CFDP1: variants seen among roughly 807,000 people sequenced by gnomAD.
The protein encoded by CFDP1 is heterochromatin-stabilizing protein CFDP1.
A neutral mutation model predicts 40.1 loss-of-function variants in CFDP1; 31 were observed. The ratio of observed to expected loss-of-function variants is 0.77; its 90% CI spans 0.58 to 1.04. The LOEUF is 1.04. CFDP1 is among the 50% of genes least tolerant of loss of function. The pLI, the probability that CFDP1 is intolerant of heterozygous loss-of-function variation, is 0.00. For missense variants in CFDP1, 423 were observed against 343.4 expected, an observed-to-expected ratio of 1.23 and a Z score of -1.83; for synonymous variants, 167 against 120.0, an observed-to-expected ratio of 1.39 and a Z score of -2.56.
rs2079171760 is a variant in CFDP1 at position 75,412,519 on chromosome 16, T to G, written c.402+16A>C. 1 of 1,595,012 alleles carries G rather than the reference T, an allele frequency of 6.3e-7. No homozygotes were observed. The highest frequency in any genetic ancestry group is 1.1e-5 in the South Asian group (1 of 90,670). On this transcript the variant is annotated intron_variant, in intron 3 of 6. Transcript: ENST00000283882. ...ATTTCTGGAGAGGCATTCACCTCACTAATGTCTCAACTTACCTTAACTTGT... is the reference window on the plus strand; with the variant it reads ...ATTTCTGGAGAGGCATTCACCTCACGAATGTCTCAACTTACCTTAACTTGT...
chr16:75,425,892 C>T (rs978476945), intron 1 of CFDP1, among the ~76,000 whole-genome samples: 1 of 150,280 alleles, frequency 6.7e-6, no homozygotes, highest in African/African-American at 2.5e-5. Context: ...AAAAATTAGC[C>T]AGGCGTGGTG....
At chr16:75,402,329 T>C (rs983752404) in intron 4 of CFDP1, among the ~76,000 whole-genome samples, 2 of 152,206 alleles carry the variant, frequency 1.3e-5, no homozygotes, top group African/African-American at 4.8e-5. Flanking sequence ...CCTGAAAGTC[T>C]TTAATTGGGC....
At chr16:75,394,510 G>C (rs944410034) in intron 5 of CFDP1, among the ~76,000 whole-genome samples, 1 of 152,076 alleles carries the variant, frequency 6.6e-6, no homozygotes, top group African/African-American at 2.4e-5. Context: ...AAATCTTCAT[G>C]AAAAGTTCTG....
chr16:75,420,587 T>C (rs148619485), intron 1 of CFDP1, among the ~76,000 whole-genome samples: 121 of 152,348 alleles, frequency 7.9e-4, no homozygotes, highest in African/African-American at 2.8e-3. Context: ...TGTGTAGTAT[T>C]GAACTCAACT....
rs371693393 is a variant in CFDP1 at position 75,329,310 on chromosome 16, A to G, written c.651-24128T>C. Among the ~76,000 whole-genome samples the G allele has an allele frequency of 1.2e-4, 19 of 152,312 alleles. 3 individuals carry two copies. Among genetic ancestry groups the G allele is most frequent in the Admixed American group, 5.9e-4 (9 of 15,300 alleles). ...CCAAGCACAGAATTTTACAATATGG[A>G]CAAAAATACCAAAAGAAACAGCTAA... On this transcript the variant is annotated intron_variant, in intron 5 of 6. Coordinates refer to ENST00000283882, the MANE Select transcript of CFDP1 (RefSeq NM_006324.3).
chr16:75,417,752 T>A (rs2079224212), intron 1 of CFDP1, among the ~76,000 whole-genome samples: 1 of 151,808 alleles, frequency 6.6e-6, no homozygotes, highest in South Asian at 2.1e-4. Context: ...AAACAAAAGA[T>A]CTATTCCCAG....
At chr16:75,354,881 T>C (rs1038116561) in intron 5 of CFDP1, among the ~76,000 whole-genome samples, 3 of 152,198 alleles carry the variant, frequency 2.0e-5, no homozygotes, top group African/African-American at 7.2e-5. Flanking sequence ...AAATATAAGA[T>C]GTTAACATCA....
At chr16:75,299,520 G>A (rs1275196457) in intron 6 of CFDP1, among the ~76,000 whole-genome samples, 4 of 152,026 alleles carry the variant, frequency 2.6e-5, no homozygotes, top group East Asian at 1.9e-4. Context: ...GCGTGAACCC[G>A]GGAGGCGGAG....
chr16:75,318,609 TTA>T (rs1457363480), intron 5 of CFDP1, among the ~76,000 whole-genome samples: 1 of 152,126 alleles, frequency 6.6e-6, no homozygotes, highest in African/African-American at 2.4e-5. Context: ...TTTCACCGTG[TTA>T]GCCAGGATGG....
rs59197496 is a variant in CFDP1 at position 75,431,241 on chromosome 16, C to G, written c.64+2048G>C. 4.8e-3 allele frequency among the ~76,000 whole-genome samples: 723 copies of G among 151,742 alleles called. 11 individuals are homozygous for G. The highest frequency in any genetic ancestry group is 0.017 in the African/African-American group (709 of 41,400). ...CCGAGGCGGGCAGACCATTTGAGGT[C>G]AGGAGTTTGAAACAAGCCTGGCCAA... On this transcript the variant is annotated intron_variant, in intron 1 of 6. Coordinates refer to ENST00000283882, the MANE Select transcript of CFDP1 (RefSeq NM_006324.3).
intron 6 of CFDP1, among the ~76,000 whole-genome samples, chr16:75,303,400 A>ATGTATGT (rs1555552218): frequency 1.6e-4 from 23 of 146,244 alleles, no homozygotes; most frequent in South Asian, 6.4e-4. Flanking sequence ...TAAATAAATA[A>ATGTATGT]ATGTATGTAT....
chr16:75,310,175 A>G (rs2078286635), intron 5 of CFDP1, among the ~76,000 whole-genome samples: 1 of 152,244 alleles, frequency 6.6e-6, no homozygotes. Context: ...AATTTGATGT[A>G]AAGACTAATA....
At chr16:75,416,774 A>AC (rs1567679965) in intron 1 of CFDP1, among the ~76,000 whole-genome samples, 1 of 152,016 alleles carries the variant, frequency 6.6e-6, no homozygotes, top group African/African-American at 2.4e-5. Context: ...AAATTAAAAA[A>AC]TTTTTTAAAG....
At chr16:75,426,620 G>A (rs1357786051) in intron 1 of CFDP1, among the ~76,000 whole-genome samples, 1 of 152,140 alleles carries the variant, frequency 6.6e-6, no homozygotes, top group African/African-American at 2.4e-5. Flanking sequence ...AGGTTGCAGT[G>A]AGGTGAAATC....
intron 5 of CFDP1, among the ~76,000 whole-genome samples, chr16:75,312,653 A>G (rs1162885080): frequency 1.3e-5 from 2 of 152,148 alleles, no homozygotes; most frequent in African/African-American, 4.8e-5. Context: ...CCAGAAACAT[A>G]TTACAGAAAG....
chr16:75,431,280 C>T (rs375453283), intron 1 of CFDP1, among the ~76,000 whole-genome samples: 1 of 151,552 alleles, frequency 6.6e-6, no homozygotes, highest in African/African-American at 2.4e-5. Context: ...GGTGTAACTT[C>T]GTCTCTACTA....
chr16:75,319,735 C>G (rs1179022835), intron 5 of CFDP1, among the ~76,000 whole-genome samples: 1 of 152,192 alleles, frequency 6.6e-6, no homozygotes, highest in African/African-American at 2.4e-5. Flanking sequence ...GATATGGCAT[C>G]ATCAGCGTTC....
At chr16:75,402,220 G>C (rs1597386595) in intron 4 of CFDP1, among the ~76,000 whole-genome samples, 1 of 152,160 alleles carries the variant, frequency 6.6e-6, no homozygotes, top group Admixed American at 6.5e-5. Flanking sequence ...ACGCACAAGA[G>C]GGAACTCTGA....
At chr16:75,352,530 G>T (rs2078620198) in intron 5 of CFDP1, among the ~76,000 whole-genome samples, 1 of 152,064 alleles carries the variant, frequency 6.6e-6, no homozygotes, top group East Asian at 1.9e-4. Context: ...AACCATAAGT[G>T]TAATAAGTGT....
Sources: gnomAD v4.1 joint callset for allele counts (sites outside exome capture counted in the v4.1 genomes callset) on GRCh38, gnomAD v4.1.1 for gene constraint, MANE v1.5 for transcripts, NCBI Gene and HGNC (gene_info 2026-07-23, HGNC 2026-07-21) for gene names.